SLC1A5: variants seen among roughly 807,000 people sequenced by gnomAD.
SLC1A5 encodes the protein neutral amino acid transporter B(0).
Under a neutral mutation model 34.9 loss-of-function variants are expected in SLC1A5, and 25 were observed. The ratio of observed to expected loss-of-function variants is 0.72; its 90% confidence interval spans 0.52 to 1.00. The LOEUF (loss-of-function observed/expected upper bound fraction) is 1.00. Ranked by LOEUF, SLC1A5 falls within the 50% of genes least tolerant of loss-of-function variation. The probability of loss-of-function intolerance (pLI) is 0.00; values close to 1 mark genes in which losing one functional copy is unlikely to be tolerated. For missense variants in SLC1A5, 637 were observed against 740.0 expected (o/e 0.86, Z 1.61); for synonymous variants, 351 against 341.2 (o/e 1.03, Z -0.32).
At chr19:46,782,902 A>G (rs1047238821) in intron 3 of SLC1A5, among the ~76,000 whole-genome samples, 1 of 152,206 alleles carries the variant, frequency 6.6e-6, no homozygotes, top group African/African-American at 2.4e-5. Flanking sequence ...AGAAAGATCT[A>G]CAGAGAGGAA....
chr19:46,784,078 T>C lies in SLC1A5; in HGVS notation c.657+19A>G. 2 of 1,606,392 alleles carry C rather than the reference T, an allele frequency of 1.2e-6. No homozygotes were observed. The highest frequency in any genetic ancestry group is 1.7e-6 in the Non-Finnish European group (2 of 1,173,212). On this transcript the variant is annotated intron_variant, in intron 3 of 7. Coordinates refer to ENST00000542575, the MANE Select transcript of SLC1A5 (RefSeq NM_005628.3). ...ATAGGCAAAGAGGTAGAGCCCCCGCTGCCTCCCACTGCTCTCACCTTCACC... is the reference window on the plus strand; with the variant it reads ...ATAGGCAAAGAGGTAGAGCCCCCGCCGCCTCCCACTGCTCTCACCTTCACC...
At chr19:46,784,183 C>G in intron 2 of SLC1A5, 39 bp from the exon 3 acceptor site, 1 of 1,459,702 alleles carries the variant, frequency 6.9e-7, no homozygotes, top group Non-Finnish European at 9.6e-7. Context: ...TCCATCGTTA[C>G]CAGGGCCTCC....
Position 46,787,933 on chromosome 19 carries a change from C to A in SLC1A5, c.33G>T (p.Gly11=). The change falls in exon 1 of 8, where the codon GGG becomes GGT. Residue 11 remains glycine, a synonymous_variant. Transcript: ENST00000542575. The surrounding 1 kb of genome is among the most constrained non-coding windows in gnomAD (Gnocchi z 5.2). MVADPPRDSK[G]LAAAEPTANG... ...TGGCGGTGGGCTCCGCCGCTGCGAG[C>A]CCCTTGGAGTCTCGAGGAGGATCGG... is the stretch of plus-strand genomic sequence containing the variant. The A allele has an allele frequency of 1.3e-6, 2 of 1,574,052 alleles. No homozygotes were observed. Among genetic ancestry groups the A allele is most frequent in the Non-Finnish European group, 1.7e-6 (2 of 1,162,382 alleles).
intron 4 of SLC1A5, among the ~76,000 whole-genome samples, chr19:46,780,505 C>T (rs2055137507): frequency 1.3e-5 from 2 of 151,864 alleles, no homozygotes; most frequent in Non-Finnish European, 2.9e-5. Flanking sequence ...TAAAGGTGTA[C>T]ACCACCATTC....
chr19:46,784,457 C>A (rs1257377355), intron 2 of SLC1A5, 60 bp downstream of exon 2: 1 of 1,600,512 alleles, frequency 6.2e-7, no homozygotes, highest in Non-Finnish European at 8.5e-7. Context: ...CAAGGGCTCC[C>A]CCTGGCTGGC....
chr19:46,775,075 AC>A lies in SLC1A5; in HGVS notation c.*434del. The A allele has an allele frequency of 1.0e-6, 1 of 1,002,608 alleles. No homozygotes were observed. The highest frequency in any genetic ancestry group is 1.2e-6 in the Non-Finnish European group (1 of 840,134). 62.1% of individuals were successfully genotyped at this position (1,002,608 alleles called of 1,614,324 possible). A position where few individuals can be genotyped will look rare whatever the true frequency, so the allele number is the denominator to read the frequency against. On this transcript the variant is annotated 3_prime_UTR_variant, in exon 8 of 8. Transcript: ENST00000542575. ...AGAACACACACACACACACACACAC[AC>A]ACACACACACACACGTGCACACACA...
At chr19:46,782,345 A>ACCCCCCCCCCCCCCCC in intron 4 of SLC1A5, 38 bp downstream of exon 4, 7 of 292,424 alleles carry the variant, frequency 2.4e-5, no homozygotes, top group Non-Finnish European at 2.7e-5. Context: ...CCGACCCTCC[A>ACCCCCCCCCCCCCCCC]ACCCCACCCA....
chr19:46,780,382 C>A (rs1055991200), intron 4 of SLC1A5, among the ~76,000 whole-genome samples: 4 of 151,806 alleles, frequency 2.6e-5, no homozygotes, highest in African/African-American at 9.7e-5. Flanking sequence ...TTTAGACAGT[C>A]TCGTTCTGTT....
chr19:46,778,650 A>AATCCCCCC, intron 5 of SLC1A5, 25 bp downstream of exon 5: 6 of 641,674 alleles, frequency 9.4e-6, no homozygotes, highest in Non-Finnish European at 1.2e-5. Flanking sequence ...TAAACATCCC[A>AATCCCCCC]CCCTAGCCCA....
chr19:46,778,770 C>A lies in SLC1A5; in HGVS notation c.963G>T (p.Leu321=). ...LGHAIHGLLV[L]PLIYFLFTRK... is the part of the protein sequence containing the mutation. ...GGGTGAAGAGGAAGTAGATGAGGGGCAGTACCAGGAGCCCATGGATGGCGT... is the reference window on the plus strand; with the variant it reads ...GGGTGAAGAGGAAGTAGATGAGGGGAAGTACCAGGAGCCCATGGATGGCGT... The change falls in exon 5 of 8, where the codon CTG becomes CTT. Residue 321 remains leucine, a synonymous_variant. Transcript: ENST00000542575. 1.9e-6 allele frequency: 3 copies of A among 1,613,892 alleles called. No homozygotes were observed. Among genetic ancestry groups the A allele is most frequent in the Non-Finnish European group, 1.7e-6 (2 of 1,179,898 alleles).
chr19:46,778,655 A>AG lies in SLC1A5; in HGVS notation c.1058+19dup. The AG allele has an allele frequency of 7.9e-7, 1 of 1,263,344 alleles. No individual in the cohort carries two copies. Among genetic ancestry groups the AG allele is most frequent in the Non-Finnish European group, 1.1e-6 (1 of 872,036 alleles). The allele number at this position is 1,263,344 out of a possible 1,614,324, so 78.3% of individuals were successfully genotyped here. A position where few individuals can be genotyped will look rare whatever the true frequency, so the allele number is the denominator to read the frequency against. Reference sequence around the variant, plus strand: ...CTTAGCGGATTAAACATCCCACCCTAGCCCACCCCAAGGCCGTACCTGGAA... The same window carrying AG: ...CTTAGCGGATTAAACATCCCACCCTAGGCCCACCCCAAGGCCGTACCTGGAA... On this transcript the variant is annotated intron_variant, in intron 5 of 7. Transcript: ENST00000542575.
intron 7 of SLC1A5, 82 bp from the exon 8 acceptor site, chr19:46,775,829 G>T: frequency 7.2e-7 from 1 of 1,397,220 alleles, no homozygotes; most frequent in Non-Finnish European, 9.6e-7. Flanking sequence ...TAAGCCTCCT[G>T]CCTCTCTCCC....
At position 46,787,530 on chromosome 19, in the gene SLC1A5, C is replaced by A. The variant is rs778639509; in HGVS notation, c.436G>T (p.Gly146Ter). 7 of 1,574,544 alleles carry A rather than the reference C, an allele frequency of 4.4e-6. No individual in the cohort carries two copies. The highest frequency in any genetic ancestry group is 6.0e-6 in the Non-Finnish European group (7 of 1,161,126). The stretch of plus-strand genomic sequence containing the variant: ...TGCAGAGCCAGCGCCAAGCCCACTC[C>A]GAGCGCCGACGCCAGCAGCGTGGTG... ...LVTTLLASAL[G>*]VGLALALQPG... The change falls in exon 1 of 8, where the codon GGA becomes TGA. Residue 146 changes from glycine (G) to a stop codon, truncating the protein, a stop_gained. Coordinates refer to ENST00000542575, the MANE Select transcript of SLC1A5 (RefSeq NM_005628.3). LOFTEE classifies it high-confidence loss of function. The surrounding 1 kb of genome is among the most constrained non-coding windows in gnomAD (Gnocchi z 5.2).
At position 46,780,216 on chromosome 19, in the gene SLC1A5, C is replaced by T. The variant is rs556977613; in HGVS notation, c.825-1308G>A. On this transcript the variant is annotated intron_variant, in intron 4 of 7. Coordinates refer to ENST00000542575, the MANE Select transcript of SLC1A5 (RefSeq NM_005628.3). ...AGGCTTTGTGGCTGGGGTCTGTAGT[C>T]CCAGCCACTTAGGAGGTTGAGGTGG... Among the ~76,000 whole-genome samples, 485 of 152,052 alleles carry T rather than the reference C, an allele frequency of 3.2e-3. 5 individuals are homozygous for T. The highest frequency in any genetic ancestry group is 5.7e-3 in the Non-Finnish European group (385 of 67,974).
At chr19:46,778,646 T>TTCCC in intron 5 of SLC1A5, 29 bp downstream of exon 5, 1 of 1,235,844 alleles carries the variant, frequency 8.1e-7, no homozygotes, top group Middle Eastern at 2.3e-4. Context: ...GGATTAAACA[T>TTCCC]CCCACCCTAG....
intron 7 of SLC1A5, among the ~76,000 whole-genome samples, chr19:46,776,247 C>T (rs2055088027): frequency 6.9e-6 from 1 of 143,928 alleles, no homozygotes; most frequent in South Asian, 2.2e-4. Flanking sequence ...GTTGCCCAGG[C>T]TGGAGTGCAG....
chr19:46,784,734 C>CCTTT, intron 1 of SLC1A5, 175 bp from the exon 2 acceptor site: 1 of 1,490,938 alleles, frequency 6.7e-7, no homozygotes, highest in Non-Finnish European at 8.9e-7. Context: ...GGCTTGCACC[C>CCTTT]CTTTGCAGGA....
At chr19:46,780,357 CTATTAT>C (rs907299874) in intron 4 of SLC1A5, among the ~76,000 whole-genome samples, 13 of 151,208 alleles carry the variant, frequency 8.6e-5, no homozygotes, top group Non-Finnish European at 1.6e-4. Flanking sequence ...TTTTAAATTA[CTATTAT>C]TATTATTATT....
At chr19:46,782,277 G>T in intron 4 of SLC1A5, 106 bp downstream of exon 4, 1 of 851,398 alleles carries the variant, frequency 1.2e-6, no homozygotes, top group Middle Eastern at 3.6e-4. Flanking sequence ...GCTCCAAAGA[G>T]TGAATAGAGG....
Sources: gnomAD v4.1 joint callset for allele counts (sites outside exome capture counted in the v4.1 genomes callset) on GRCh38, gnomAD v4.1.1 for gene constraint, Gnocchi (gnomAD v3.1) non-coding constraint, MANE v1.5 for transcripts, NCBI Gene and HGNC (gene_info 2026-07-23, HGNC 2026-07-21) for gene names.